The following ATP2B3 variants were observed in gnomAD, a reference collection of about 807,000 sequenced individuals.
ATP2B3 encodes the protein plasma membrane calcium-transporting ATPase 3.
Under a neutral mutation model 70.8 loss-of-function variants are expected in ATP2B3, and 12 were observed. The ratio of observed to expected loss-of-function variants is 0.17; its 90% CI spans 0.11 to 0.27. The LOEUF (loss-of-function observed/expected upper bound fraction) is 0.27. Ranked by LOEUF, ATP2B3 falls within the 10% of genes least tolerant of loss-of-function variation. ATP2B3 has a pLI of 1.00. For synonymous variants in ATP2B3, 460 were observed against 497.8 expected, an observed-to-expected ratio of 0.92 and a Z score of 1.01; for missense variants, 858 against 1,118.5, an observed-to-expected ratio of 0.77 and a Z score of 3.32.
chrX:153,576,035 G>A (rs782032160), intron 21 of ATP2B3, among the ~76,000 whole-genome samples: 4 of 111,978 alleles, frequency 3.6e-5, no homozygotes, highest in Admixed American at 9.4e-5. Context: ...CATCTCTCCC[G>A]GAAGAGTGCT....
intron 13 of ATP2B3, among the ~76,000 whole-genome samples, chrX:153,554,780 C>G (rs2090510310): frequency 1.8e-5 from 2 of 112,635 alleles, no homozygotes; most frequent in Admixed American, 1.9e-4. Flanking sequence ...GGCAACTTCT[C>G]CAGACACCTG....
At chrX:153,557,708 C>T (rs1301889504) in intron 16 of ATP2B3, among the ~76,000 whole-genome samples, 4 of 111,571 alleles carry the variant, frequency 3.6e-5, no homozygotes, top group Admixed American at 9.4e-5. Flanking sequence ...TGCAAGGAGC[C>T]GCCCCGCCCA....
intron 21 of ATP2B3, among the ~76,000 whole-genome samples, chrX:153,567,740 C>A (rs782370661): frequency 9.0e-6 from 1 of 111,244 alleles, no homozygotes; most frequent in East Asian, 2.8e-4. Context: ...CCCTGTTTTG[C>A]GTATGAGGAA....
chrX:153,531,351 C>T (rs1286139685), intron 2 of ATP2B3, among the ~76,000 whole-genome samples: 2 of 113,296 alleles, frequency 1.8e-5, no homozygotes, highest in African/African-American at 3.2e-5. Flanking sequence ...CCTTGGCTTG[C>T]TTTTCCTCTC....
chrX:153,530,311 G>A (rs2090096338), intron 2 of ATP2B3, among the ~76,000 whole-genome samples: 1 of 112,441 alleles, frequency 8.9e-6, no homozygotes. Flanking sequence ...CTGGACCCAA[G>A]ACTCTGTATT....
chrX:153,543,980 G>A (rs927274294), intron 7 of ATP2B3, among the ~76,000 whole-genome samples: 85 of 112,934 alleles, frequency 7.5e-4, no homozygotes, highest in Non-Finnish European at 9.6e-4. Context: ...GTCAGGGCCC[G>A]GGGAAAAGGT....
At chrX:153,543,501 C>T (rs1450773887) in intron 7 of ATP2B3, among the ~76,000 whole-genome samples, 2 of 112,801 alleles carry the variant, frequency 1.8e-5, no homozygotes, top group African/African-American at 6.4e-5. Context: ...CCTCAGGGCC[C>T]GTGCCCAGTA....
intron 21 of ATP2B3, among the ~76,000 whole-genome samples, chrX:153,573,928 C>T (rs977486556): frequency 2.7e-5 from 3 of 112,913 alleles, no homozygotes; most frequent in Non-Finnish European, 5.6e-5. Flanking sequence ...GCAAGCAGTT[C>T]TGGCTTGCCA....
At chrX:153,566,007 T>C (rs2090701899) in intron 21 of ATP2B3, among the ~76,000 whole-genome samples, 2 of 112,361 alleles carry the variant, frequency 1.8e-5, no homozygotes, top group African/African-American at 6.5e-5. Flanking sequence ...GCTGTGGCCC[T>C]TGAGTGCTGA....
At chrX:153,571,713 G>A (rs1388767816) in intron 21 of ATP2B3, among the ~76,000 whole-genome samples, 2 of 112,305 alleles carry the variant, frequency 1.8e-5, no homozygotes, top group East Asian at 2.8e-4. Context: ...TGGGAGAGAC[G>A]CCACCCCTCC....
intron 2 of ATP2B3, among the ~76,000 whole-genome samples, chrX:153,523,024 C>A (rs1189560473): frequency 9.0e-6 from 1 of 111,646 alleles, no homozygotes; most frequent in Non-Finnish European, 1.9e-5. Context: ...AATGTAAATC[C>A]AACATCTCCA....
intron 2 of ATP2B3, among the ~76,000 whole-genome samples, chrX:153,529,902 C>G (rs1392751949): frequency 8.9e-6 from 1 of 112,704 alleles, no homozygotes; most frequent in African/African-American, 3.2e-5. Context: ...AATGGCCTTA[C>G]TTTGTAAGGC....
chrX:153,550,061 G>A lies in ATP2B3; in HGVS notation c.1598G>A (p.Gly533Asp), dbSNP rs947514649. 3.3e-6 allele frequency: 4 copies of A among 1,210,786 alleles called. No individual in the cohort carries two copies. Among genetic ancestry groups the A allele is most frequent in the Non-Finnish European group, 4.5e-6 (4 of 894,358 alleles). Residue 533 changes from glycine (G) to aspartate (D), a missense_variant, in exon 12 of 22, where the codon GGC becomes GAC. By Grantham distance (94) the Gly-to-Asp change is moderately conservative (BLOSUM62 -1). Coordinates refer to ENST00000263519, the MANE Select transcript of ATP2B3 (RefSeq NM_001001344.3). ...TTKILPPEKE[G>D]ALPRQVGNKT... The stretch of plus-strand genomic sequence containing the variant: ...ATCTTGCAGCCTCCTGAGAAGGAAG[G>A]CGCCCTCCCACGCCAGGTGGGCAAT...
rs1366931497 is a variant in ATP2B3, at chrX:153,580,594, GAGA to G, written c.*302_*304del. The stretch of plus-strand genomic sequence containing the variant: ...AAGGTTCTTCGTCCAAAGGAGGAAG[GAGA>G]AGAAGTAGAAAGTGCGAAGAGCTGA... On this transcript the variant is annotated 3_prime_UTR_variant, in exon 22 of 22. Coordinates refer to ENST00000263519, the MANE Select transcript of ATP2B3 (RefSeq NM_001001344.3). 1.7e-5 allele frequency: 5 copies of G among 294,981 alleles called. No homozygotes were observed. Among genetic ancestry groups the G allele is most frequent in the South Asian group, 1.3e-4 (1 of 7,479 alleles). The allele number at this position is 294,981 out of a possible 1,213,427, so 24.3% of individuals were successfully genotyped here.
chrX:153,575,712 G>A (rs1287407897), intron 21 of ATP2B3, among the ~76,000 whole-genome samples: 2 of 112,396 alleles, frequency 1.8e-5, no homozygotes, highest in Non-Finnish European at 3.8e-5. Flanking sequence ...AGCCGGAGCC[G>A]AGAGGCTGTT....
At position 153,582,488 on chromosome X, in the gene ATP2B3, T is replaced by C. The variant is rs997080650; in HGVS notation, c.*2190T>C. 1.8e-5 allele frequency: 2 copies of C among 112,878 alleles called. No individual in the cohort carries two copies. The highest frequency in any genetic ancestry group is 3.7e-5 in the Non-Finnish European group (2 of 53,370). 9.3% of individuals were successfully genotyped at this position (112,878 alleles called of 1,213,427 possible). On this transcript the variant is annotated 3_prime_UTR_variant, in exon 22 of 22. Coordinates refer to ENST00000263519, the MANE Select transcript of ATP2B3 (RefSeq NM_001001344.3). ...CACTCACCGGCTTCTTCTCACTCTC[T>C]GTCGTAGACACACCGATAGGACCAA...
chrX:153,571,880 T>C (rs1296325835), intron 21 of ATP2B3, among the ~76,000 whole-genome samples: 1 of 112,873 alleles, frequency 8.9e-6, no homozygotes, highest in Non-Finnish European at 1.9e-5. Context: ...GAAAGGACTC[T>C]GCCGTGGAGG....
Position 153,542,451 on chromosome X carries a change from G to A in ATP2B3, c.790+3G>A, listed in dbSNP as rs1557007080. On this transcript the variant is annotated splice_donor_region_variant and intron_variant, in intron 6 of 21. Coordinates refer to ENST00000263519, the MANE Select transcript of ATP2B3 (RefSeq NM_001001344.3). ...CAAAGATCCCATGCTGCTCTCAGGT[G>A]AGGGCCACCCTCCGGGCCAGCCTGG... is the stretch of plus-strand genomic sequence containing the variant. The A allele has an allele frequency of 8.3e-7, 1 of 1,209,536 alleles. No individual in the cohort carries two copies. The highest frequency in any genetic ancestry group is 1.8e-5 in the South Asian group (1 of 56,725).
chrX:153,577,159 T>C (rs2090867891), intron 21 of ATP2B3, among the ~76,000 whole-genome samples: 1 of 112,833 alleles, frequency 8.9e-6, no homozygotes, highest in African/African-American at 3.2e-5. Flanking sequence ...CCAGGCTCTG[T>C]TGTTAAGCCA....
Sources: gnomAD v4.1 joint callset for allele counts (sites outside exome capture counted in the v4.1 genomes callset) on GRCh38, gnomAD v4.1.1 for gene constraint, MANE v1.5 for transcripts, NCBI Gene and HGNC (gene_info 2026-07-23, HGNC 2026-07-21) for gene names.